Variants in GTF2F2 observed in about 807,000 individuals in gnomAD.
GTF2F2 encodes the protein ATP-dependent helicase GTF2F2.
Under a neutral mutation model 42.2 loss-of-function variants are expected in GTF2F2, and 23 were observed. That is an observed-to-expected ratio of 0.55 (90% CI 0.39 to 0.77). The LOEUF is 0.77. GTF2F2 is among the 30% of genes least tolerant of loss of function. The pLI is 0.00. For synonymous variants in GTF2F2, 105 were observed against 100.8 expected (o/e 1.04, Z -0.25); for missense variants, 261 against 287.2 (o/e 0.91, Z 0.66).
chr13:45,211,574 C>CAA (rs35664009), intron 5 of GTF2F2, among the ~76,000 whole-genome samples: 1 of 135,384 alleles, frequency 7.4e-6, no homozygotes, highest in Middle Eastern at 4.1e-3. Context: ...TGGCCAAGCT[C>CAA]AAAAAAAAAA....
intron 7 of GTF2F2, among the ~76,000 whole-genome samples, chr13:45,272,124 A>G (rs1364783338): frequency 6.7e-6 from 1 of 149,746 alleles, no homozygotes; most frequent in Non-Finnish European, 1.5e-5. Context: ...TAAAAAAAAG[A>G]CAATTTCCCA....
chr13:45,262,006 CACTGGA>C (rs1478933489), intron 6 of GTF2F2, among the ~76,000 whole-genome samples: 1 of 152,092 alleles, frequency 6.6e-6, no homozygotes, highest in African/African-American at 2.4e-5. Flanking sequence ...ATTACACATA[CACTGGA>C]ACTACTTATC....
chr13:45,282,789 G>A (rs1877316533), intron 7 of GTF2F2, among the ~76,000 whole-genome samples: 2 of 152,336 alleles, frequency 1.3e-5, no homozygotes, highest in South Asian at 4.1e-4. Context: ...ACAGGCGTGA[G>A]CCACCAAGCC....
At chr13:45,283,279 A>G (rs927437712) in intron 7 of GTF2F2, among the ~76,000 whole-genome samples, 163 bp from the exon 8 acceptor site, 1 of 152,328 alleles carries the variant, frequency 6.6e-6, no homozygotes, top group South Asian at 2.1e-4. Flanking sequence ...GCACATGTAG[A>G]ATCAAAAGGC....
At chr13:45,144,762 C>T (rs561462714) in intron 2 of GTF2F2, among the ~76,000 whole-genome samples, 4 of 151,916 alleles carry the variant, frequency 2.6e-5, no homozygotes, top group South Asian at 2.1e-4. Context: ...TGTGGGGACC[C>T]GCTAATAATA....
chr13:45,235,221 T>G (rs1874905047), intron 5 of GTF2F2, among the ~76,000 whole-genome samples: 1 of 152,014 alleles, frequency 6.6e-6, no homozygotes, highest in African/African-American at 2.4e-5. Flanking sequence ...ACTGAATTAA[T>G]TTATTATATT....
intron 7 of GTF2F2, among the ~76,000 whole-genome samples, chr13:45,281,839 A>T (rs1371574037): frequency 6.6e-6 from 1 of 152,248 alleles, no homozygotes; most frequent in Non-Finnish European, 1.5e-5. Context: ...AGTTCTTTGA[A>T]GCACACGCAC....
At chr13:45,193,697 G>T in intron 4 of GTF2F2, 1 of 1,193,706 alleles carries the variant, frequency 8.4e-7, no homozygotes, top group Non-Finnish European at 1.2e-6. Context: ...TACAGAGCTA[G>T]CTGGGCATGT....
At chr13:45,135,142 C>T (rs886123194) in intron 1 of GTF2F2, among the ~76,000 whole-genome samples, 14 of 151,656 alleles carry the variant, frequency 9.2e-5, no homozygotes, top group South Asian at 4.2e-4. Context: ...TTAGTAGAGA[C>T]GGGATTCCGC....
rs201051683 is a variant in GTF2F2, at chr13:45,267,357, A to T, written c.611A>T (p.Asp204Val). The change falls in exon 7 of 8, where the codon GAC becomes GTC. Residue 204 changes from aspartate to valine, a missense_variant. Asp to Val is a radical substitution (Grantham distance 152, BLOSUM62 -3). Transcript: ENST00000340473. ...TACTATAATCTTAAGGACTTGGTGG[A>T]CATCACAAAGCAACCTGTGGTATGT... Reference protein sequence around the residue: ...HQYYNLKDLVDITKQPVVYLK... With the variant: ...HQYYNLKDLVVITKQPVVYLK... 6.2e-6 allele frequency: 10 copies of T among 1,608,976 alleles called. No individual in the cohort carries two copies. The East Asian group carries it at 1.8e-4, about 29-fold the overall frequency.
At chr13:45,270,364 CAATTTTTAAAGCAAAAT>C (rs1876739243) in intron 7 of GTF2F2, among the ~76,000 whole-genome samples, 1 of 152,084 alleles carries the variant, frequency 6.6e-6, no homozygotes, top group Admixed American at 6.6e-5. Context: ...TGAAGCTGGG[CAATTTTTAAAGCAAAAT>C]AATTTGTTTC....
Position 45,194,633 on chromosome 13 carries a change from A to G in GTF2F2, c.305-12791A>G, listed in dbSNP as rs1872801194. ...AGATTTTTTAAAAAGAGACACTACC[A>G]CACAAGCACGCCTTTATTCAGCCCC... is the stretch of plus-strand genomic sequence containing the variant. On this transcript the variant is annotated intron_variant, in intron 4 of 7. Coordinates refer to ENST00000340473, the MANE Select transcript of GTF2F2 (RefSeq NM_004128.3). 6 of 1,382,772 alleles carry G rather than the reference A, an allele frequency of 4.3e-6. No individual in the cohort carries two copies. In the South Asian group the frequency reaches 6.6e-5, roughly 15 times the overall value. The allele number at this position is 1,382,772 out of a possible 1,614,324, so 85.7% of individuals were successfully genotyped here.
At chr13:45,240,365 T>G (rs540882016) in intron 5 of GTF2F2, among the ~76,000 whole-genome samples, 1 of 152,268 alleles carries the variant, frequency 6.6e-6, no homozygotes, top group South Asian at 2.1e-4. Flanking sequence ...AAAAAACCCC[T>G]GGAATATAGA....
At chr13:45,123,953 A>C (rs545122266) in intron 1 of GTF2F2, 1 of 658,102 alleles carries the variant, frequency 1.5e-6, no homozygotes, top group Non-Finnish European at 2.7e-6. Flanking sequence ...GGGACTCCCC[A>C]GCATTGAGGG....
intron 6 of GTF2F2, among the ~76,000 whole-genome samples, chr13:45,253,178 G>A (rs1481872787): frequency 2.0e-5 from 3 of 151,490 alleles, no homozygotes; most frequent in African/African-American, 4.9e-5. Flanking sequence ...GTTATATCAT[G>A]GCAAAAAGAA....
At chr13:45,174,420 G>A (rs1047230949) in intron 4 of GTF2F2, among the ~76,000 whole-genome samples, 2 of 152,046 alleles carry the variant, frequency 1.3e-5, no homozygotes, top group Non-Finnish European at 2.9e-5. Context: ...AAGCTGCCAG[G>A]TATCCCTCCT....
chr13:45,213,577 C>T (rs1873780775), intron 5 of GTF2F2, among the ~76,000 whole-genome samples: 1 of 152,220 alleles, frequency 6.6e-6, no homozygotes, highest in East Asian at 1.9e-4. Flanking sequence ...ATAGTTGTAT[C>T]CTCTACAACA....
chr13:45,264,202 G>A (rs1198766447), intron 6 of GTF2F2, among the ~76,000 whole-genome samples: 1 of 149,242 alleles, frequency 6.7e-6, no homozygotes, highest in Non-Finnish European at 1.5e-5. Flanking sequence ...TAAAGAGAAA[G>A]CACCAACATT....
intron 5 of GTF2F2, among the ~76,000 whole-genome samples, chr13:45,226,610 C>A (rs1029516821): frequency 1.3e-5 from 2 of 152,096 alleles, no homozygotes; most frequent in African/African-American, 4.8e-5. Flanking sequence ...ATTCTTCTTA[C>A]CTGTTTGGTC....
Sources: gnomAD v4.1 joint callset for allele counts (sites outside exome capture counted in the v4.1 genomes callset) on GRCh38, gnomAD v4.1.1 for gene constraint, MANE v1.5 for transcripts, NCBI Gene and HGNC (gene_info 2026-07-23, HGNC 2026-07-21) for gene names.